The following TENM3 variants were observed in gnomAD, a reference collection of about 807,000 sequenced individuals.
TENM3 encodes teneurin-3.
Under a neutral mutation model 255.1 loss-of-function variants are expected in TENM3, and 63 were observed. The observed-to-expected ratio is 0.25, with a 90% CI of 0.20 to 0.30. TENM3 has a LOEUF of 0.30. Among genes scored for constraint, TENM3 ranks in the 10% least tolerant of loss-of-function variants. The pLI is 1.00. For missense variants in TENM3, 2,929 were observed against 3,461.1 expected, an observed-to-expected ratio of 0.85 and a Z score of 3.86; for synonymous variants, 1,306 against 1,322.3, an observed-to-expected ratio of 0.99 and a Z score of 0.27.
chr4:182,324,264 TC>T lies in TENM3; in HGVS notation c.232+14del. On this transcript the variant is annotated intron_variant, in intron 2 of 27. Transcript: ENST00000511685. Reference sequence around the variant, plus strand: ...GTTCACTAGACAAGGTGGGTAACTGTCCTAGTAAAATAAGGCAATGCTCACG... The same window carrying T: ...GTTCACTAGACAAGGTGGGTAACTGTCTAGTAAAATAAGGCAATGCTCACG... 6.3e-7 allele frequency: 1 copy of T among 1,590,382 alleles called. No homozygotes were observed. The highest frequency in any genetic ancestry group is 1.3e-5 in the African/African-American group (1 of 74,592).
At chr4:181,859,941 A>G in the TENM3 span, among the ~76,000 whole-genome samples, 1 of 152,170 alleles carries the variant, frequency 6.6e-6, no homozygotes, top group Non-Finnish European at 1.5e-5. Flanking sequence ...GACTCTTAAG[A>G]AAGAATGACA....
chr4:181,611,267 A>G, the TENM3 span, among the ~76,000 whole-genome samples: 1 of 152,196 alleles, frequency 6.6e-6, no homozygotes, highest in African/African-American at 2.4e-5. Flanking sequence ...TTTATTGCTA[A>G]CTGAAGCACA....
chr4:181,494,334 G>C, the TENM3 span, among the ~76,000 whole-genome samples: 3 of 152,136 alleles, frequency 2.0e-5, no homozygotes, highest in Non-Finnish European at 4.4e-5. Flanking sequence ...GCCCAGGCTG[G>C]AGTGCAATGG....
chr4:182,213,215 A>G (rs1307576577), intron 1 of TENM3, among the ~76,000 whole-genome samples: 1 of 152,230 alleles, frequency 6.6e-6, no homozygotes, highest in Non-Finnish European at 1.5e-5. Flanking sequence ...ATAAGGCAGA[A>G]TGCATTTAGT....
chr4:182,138,082 G>C, the TENM3 span, among the ~76,000 whole-genome samples: 4 of 152,156 alleles, frequency 2.6e-5, no homozygotes, highest in Non-Finnish European at 4.4e-5. Flanking sequence ...CTTGCAAATG[G>C]TGTAAGAGGA....
At chr4:181,491,480 G>C in the TENM3 span, among the ~76,000 whole-genome samples, 11 of 151,636 alleles carry the variant, frequency 7.3e-5, no homozygotes, top group African/African-American at 2.2e-4. Context: ...AAAAATCTAA[G>C]ACCAGATAAT....
At chr4:181,782,095 T>A in the TENM3 span, among the ~76,000 whole-genome samples, 5 of 152,274 alleles carry the variant, frequency 3.3e-5, no homozygotes, top group East Asian at 9.7e-4. Flanking sequence ...TTTTGTTGTA[T>A]CTCTGCCAGG....
intron 3 of TENM3, among the ~76,000 whole-genome samples, chr4:182,436,102 T>G (rs1772024406): frequency 6.6e-6 from 1 of 152,162 alleles, no homozygotes; most frequent in African/African-American, 2.4e-5. Flanking sequence ...TCGTAGGGAC[T>G]CTCATTTTCT....
chr4:181,974,586 A>C, the TENM3 span, among the ~76,000 whole-genome samples: 3 of 152,116 alleles, frequency 2.0e-5, no homozygotes, highest in Admixed American at 6.5e-5. Context: ...AAACAAAAAA[A>C]GAATCAATGT....
At chr4:182,075,410 G>A in the TENM3 span, among the ~76,000 whole-genome samples, 1 of 152,206 alleles carries the variant, frequency 6.6e-6, no homozygotes, top group South Asian at 2.1e-4. Context: ...ATGTTGGCCA[G>A]GATGGTCTCG....
In TENM3 at chr4:182,266,147, C is replaced by T. The variant is rs558666802; in HGVS notation, c.-76+22671C>T. On this transcript the variant is annotated intron_variant, in intron 1 of 27. Coordinates refer to ENST00000511685, the MANE Select transcript of TENM3 (RefSeq NM_001080477.4). ...TCCTGGATAGACTCCACACCTAGTACGTAATTAAAATCTCTAATTTACTAT... is the reference window on the plus strand; with the variant it reads ...TCCTGGATAGACTCCACACCTAGTATGTAATTAAAATCTCTAATTTACTAT... Among the ~76,000 whole-genome samples the T allele has an allele frequency of 1.2e-4, 18 of 152,222 alleles. No homozygotes were observed. In the South Asian group the frequency reaches 2.5e-3, roughly 21 times the overall value.
the TENM3 span, among the ~76,000 whole-genome samples, chr4:181,849,464 G>A: frequency 1.3e-5 from 2 of 152,080 alleles, no homozygotes; most frequent in Non-Finnish European, 2.9e-5. Context: ...GTCACAATAA[G>A]TTGTCTTTAA....
At chr4:182,122,333 A>G in the TENM3 span, among the ~76,000 whole-genome samples, 2 of 152,212 alleles carry the variant, frequency 1.3e-5, no homozygotes, top group African/African-American at 4.8e-5. Flanking sequence ...AAGGTTTTCA[A>G]CTGACTTTGT....
intron 3 of TENM3, among the ~76,000 whole-genome samples, chr4:182,450,090 A>C (rs991543514): frequency 4.6e-5 from 7 of 152,222 alleles, no homozygotes; most frequent in African/African-American, 1.7e-4. Flanking sequence ...GTGCCTTAAG[A>C]TGGTGTAGTT....
At chr4:181,994,554 G>GGTTTTTT in the TENM3 span, among the ~76,000 whole-genome samples, 1 of 128,386 alleles carries the variant, frequency 7.8e-6, no homozygotes, top group African/African-American at 3.0e-5. Flanking sequence ...TTTTTTGTGG[G>GGTTTTTT]TTTTTTTTTT....
intron 22 of TENM3, among the ~76,000 whole-genome samples, chr4:182,760,528 A>G (rs1295373830): frequency 6.6e-6 from 1 of 152,082 alleles, no homozygotes; most frequent in African/African-American, 2.4e-5. Flanking sequence ...ATGTACATGC[A>G]CACCAGCAGG....
chr4:182,682,842 T>A (rs1031766040), intron 11 of TENM3, among the ~76,000 whole-genome samples: 1 of 152,152 alleles, frequency 6.6e-6, no homozygotes, highest in African/African-American at 2.4e-5. Flanking sequence ...GTGTGGAAGA[T>A]TACAGTTTAT....
chr4:182,768,317 T>C (rs182377983), intron 22 of TENM3, among the ~76,000 whole-genome samples: 2 of 152,294 alleles, frequency 1.3e-5, no homozygotes, highest in East Asian at 3.9e-4. Flanking sequence ...GTAAAGAAAG[T>C]TTTCGAGAAC....
At chr4:181,523,025 TAGA>T in the TENM3 span, 1 of 625,272 alleles carries the variant, frequency 1.6e-6, no homozygotes, top group Non-Finnish European at 3.1e-6. Context: ...TTGAAGATTG[TAGA>T]AGAAGGGAAA....
Sources: allele counts gnomAD v4.1 joint callset (sites outside exome capture counted in the v4.1 genomes callset), GRCh38; gene constraint gnomAD v4.1.1; transcripts MANE v1.5; gene names NCBI Gene and HGNC (gene_info 2026-07-23, HGNC 2026-07-21).